The following TRPC3 variants were observed in gnomAD, a reference collection of about 807,000 sequenced individuals.
The protein encoded by TRPC3 is transient receptor potential cation channel subfamily C member 3, also known as short transient receptor potential channel 3.
A neutral mutation model predicts 90.9 loss-of-function variants in TRPC3; 54 were observed. The observed-to-expected ratio is 0.59, with a 90% CI of 0.48 to 0.75. TRPC3 has a LOEUF of 0.75. TRPC3 is among the 30% of genes least tolerant of loss of function. TRPC3 has a pLI of 0.00. For missense variants in TRPC3, 918 were observed against 1,194.5 expected (o/e 0.77, Z 3.41); for synonymous variants, 424 against 450.9 (o/e 0.94, Z 0.75).
At chr4:121,946,123 C>T (rs966948463) in intron 1 of TRPC3, among the ~76,000 whole-genome samples, 1 of 151,976 alleles carries the variant, frequency 6.6e-6, no homozygotes, top group Non-Finnish European at 1.5e-5. Context: ...CATAGAAATT[C>T]CAGAAAAAGC....
chr4:121,878,052 CTT>C lies in TRPC3; in HGVS notation c.*1682_*1683del, dbSNP rs1205107468. ...AACATCTATTATAGAAACTTTGTAT[CTT>C]TACTATCTTAACATATGGTAACATA... On this transcript the variant is annotated 3_prime_UTR_variant, in exon 12 of 12. Coordinates refer to ENST00000379645, the MANE Select transcript of TRPC3 (RefSeq NM_001130698.2). Among the ~76,000 whole-genome samples, 1 of 152,130 alleles carries C rather than the reference CTT, an allele frequency of 6.6e-6. No homozygotes were observed. Among genetic ancestry groups the C allele is most frequent in the Non-Finnish European group, 1.5e-5 (1 of 68,006 alleles).
rs1480948225 is a variant in TRPC3 at position 121,951,160 on chromosome 4, C to T, written c.215+306G>A. On this transcript the variant is annotated intron_variant, in intron 1 of 11. Transcript: ENST00000379645. This position sits in a 1 kb window ranked among gnomAD's most constrained non-coding sequence, Gnocchi z 4.4. The stretch of plus-strand genomic sequence containing the variant: ...TCCTCGGCTCTAATACAGGGAGTGG[C>T]TGCTCGCCAGGATGCTTGTCTGAAG... 1.3e-5 allele frequency among the ~76,000 whole-genome samples: 2 copies of T among 152,204 alleles called. No homozygotes were observed. The highest frequency in any genetic ancestry group is 2.9e-5 in the Non-Finnish European group (2 of 68,030).
intron 7 of TRPC3, among the ~76,000 whole-genome samples, chr4:121,906,557 A>T (rs1373326694): frequency 1.3e-5 from 2 of 152,132 alleles, no homozygotes; most frequent in East Asian, 1.9e-4. Context: ...TTGATATGCT[A>T]CTTTAGTCTA....
intron 1 of TRPC3, among the ~76,000 whole-genome samples, chr4:121,938,248 A>G (rs921014088): frequency 6.6e-6 from 1 of 152,152 alleles, no homozygotes; most frequent in Non-Finnish European, 1.5e-5. Flanking sequence ...ACTGTGGTCT[A>G]TCACCTGGTT....
chr4:121,899,671 A>C lies in TRPC3; in HGVS notation c.2488T>G (p.Ser830Ala). The change falls in exon 10 of 12, where the codon TCA becomes GCA. Residue 830 changes from serine to alanine, a missense_variant. Physicochemically the swap from Ser to Ala is moderately conservative, Grantham distance 99. This residue lies in a region of TRPC3 where 121 missense variants were observed against 135.7 expected (regional missense o/e 0.89). Coordinates refer to ENST00000379645, the MANE Select transcript of TRPC3 (RefSeq NM_001130698.2). ...AAACTGTGTGATTCAAAAACTCTTGAGTTAGACTGAGTGAAGAGGTTTAAC... is the reference window on the plus strand; with the variant it reads ...AAACTGTGTGATTCAAAAACTCTTGCGTTAGACTGAGTGAAGAGGTTTAAC... ...SRLNLFTQSNSRVFESHSFNS... is the reference protein window; with the variant it reads ...SRLNLFTQSNARVFESHSFNS... 1 of 1,613,460 alleles carries C rather than the reference A, an allele frequency of 6.2e-7. No homozygotes were observed. Among genetic ancestry groups the C allele is most frequent in the Non-Finnish European group, 8.5e-7 (1 of 1,179,606 alleles).
At chr4:121,943,975 A>G (rs2149153555) in intron 1 of TRPC3, among the ~76,000 whole-genome samples, 1 of 152,312 alleles carries the variant, frequency 6.6e-6, no homozygotes, top group South Asian at 2.1e-4. Context: ...CTAAATGCTA[A>G]ATTAAACACA....
At chr4:121,902,808 A>G (rs1728745946) in intron 9 of TRPC3, 44 bp downstream of exon 9, 1 of 1,412,454 alleles carries the variant, frequency 7.1e-7, no homozygotes, top group Non-Finnish European at 9.7e-7. Flanking sequence ...GAAAAAAAAG[A>G]CAGAACATTT....
chr4:121,921,886 C>A (rs77585072), intron 3 of TRPC3, among the ~76,000 whole-genome samples: 1 of 148,940 alleles, frequency 6.7e-6, no homozygotes, highest in Non-Finnish European at 1.5e-5. Flanking sequence ...TGACTGAAAA[C>A]GAAGGAAGCC....
chr4:121,913,647 A>AT (rs933346070), intron 4 of TRPC3, among the ~76,000 whole-genome samples: 12 of 149,878 alleles, frequency 8.0e-5, no homozygotes, highest in Admixed American at 2.7e-4. Flanking sequence ...GTAGGATATG[A>AT]TTTTTTTTAT....
In TRPC3 at chr4:121,898,713, T is replaced by A. The variant is rs549873900; in HGVS notation, c.2547+899A>T. ...ACAAAGAAATGATAGATGTCTGAGATGATGGATATGCTAATTACCCTGATC... is the reference window on the plus strand; with the variant it reads ...ACAAAGAAATGATAGATGTCTGAGAAGATGGATATGCTAATTACCCTGATC... On this transcript the variant is annotated intron_variant, in intron 10 of 11. Transcript: ENST00000379645. Among the ~76,000 whole-genome samples, 10 of 152,312 alleles carry A rather than the reference T, an allele frequency of 6.6e-5. No homozygotes were observed. The East Asian group carries it at 1.9e-3, about 29-fold the overall frequency.
chr4:121,949,651 G>A (rs1253470452), intron 1 of TRPC3, among the ~76,000 whole-genome samples: 1 of 152,178 alleles, frequency 6.6e-6, no homozygotes, highest in Non-Finnish European at 1.5e-5. Context: ...TGAAGAGCTT[G>A]CTGCCCTGCC....
chr4:121,932,972 T>C lies in TRPC3; in HGVS notation c.286A>G (p.Arg96Gly). ...TCATTGAACATGAAGGCCGGGCCCC[T>C]GACAGCCTGGCGCCGGCCCTTCTCC... ...MREKGRRQAV[R>G]GPAFMFNDRG... is the part of the protein sequence containing the mutation. The change falls in exon 2 of 12, where the codon AGG becomes GGG. Residue 96 changes from arginine to glycine, a missense_variant. Arg to Gly is a moderately radical substitution (Grantham distance 125). This residue lies in a region of TRPC3 where 609 missense variants were observed against 725.9 expected (regional missense o/e 0.84). Coordinates refer to ENST00000379645, the MANE Select transcript of TRPC3 (RefSeq NM_001130698.2). This position sits in a 1 kb window ranked among gnomAD's most constrained non-coding sequence, Gnocchi z 7.7. 1 of 1,612,032 alleles carries C rather than the reference T, an allele frequency of 6.2e-7. No individual in the cohort carries two copies. Among genetic ancestry groups the C allele is most frequent in the South Asian group, 1.1e-5 (1 of 90,854 alleles).
intron 10 of TRPC3, among the ~76,000 whole-genome samples, chr4:121,897,554 G>T (rs1728562288): frequency 6.8e-6 from 1 of 146,372 alleles, no homozygotes; most frequent in African/African-American, 2.5e-5. Flanking sequence ...CATACAAATG[G>T]TCAATGATAT....
In TRPC3 at chr4:121,879,248, A is replaced by C. The variant is rs199559096; in HGVS notation, c.*488T>G. 6.6e-6 allele frequency: 1 copy of C among 151,836 alleles called. No homozygotes were observed. Among genetic ancestry groups the C allele is most frequent in the Non-Finnish European group, 1.5e-5 (1 of 68,012 alleles). 9.4% of individuals were successfully genotyped at this position (151,836 alleles called of 1,614,324 possible). Reference sequence around the variant, plus strand: ...GTTTCTATTAAAAAAAAAAAAAAAAAACCTCTTCAGAACTTGGACAAGGGA... The same window carrying C: ...GTTTCTATTAAAAAAAAAAAAAAAACACCTCTTCAGAACTTGGACAAGGGA... On this transcript the variant is annotated 3_prime_UTR_variant, in exon 12 of 12. Coordinates refer to ENST00000379645, the MANE Select transcript of TRPC3 (RefSeq NM_001130698.2).
intron 10 of TRPC3, among the ~76,000 whole-genome samples, chr4:121,884,176 A>G (rs976422492): frequency 6.6e-6 from 1 of 152,220 alleles, no homozygotes; most frequent in Non-Finnish European, 1.5e-5. Flanking sequence ...CCAGTTGCAG[A>G]AGACCACAGA....
intron 10 of TRPC3, among the ~76,000 whole-genome samples, chr4:121,884,402 T>C (rs746572315): frequency 2.6e-5 from 4 of 152,168 alleles, no homozygotes; most frequent in Non-Finnish European, 4.4e-5. Flanking sequence ...ATGTTATCAT[T>C]GTCAGGTCGG....
chr4:121,891,011 G>A (rs1728307448), intron 10 of TRPC3, among the ~76,000 whole-genome samples: 1 of 151,928 alleles, frequency 6.6e-6, no homozygotes, highest in Admixed American at 6.6e-5. Flanking sequence ...AAAATAGAAA[G>A]GCCATAGTGT....
At chr4:121,896,293 A>C (rs1343219619) in intron 10 of TRPC3, among the ~76,000 whole-genome samples, 1 of 152,140 alleles carries the variant, frequency 6.6e-6, no homozygotes, top group Non-Finnish European at 1.5e-5. Context: ...TATTCAACAT[A>C]GTATTGGATG....
intron 3 of TRPC3, among the ~76,000 whole-genome samples, chr4:121,917,267 A>G (rs1729350904): frequency 1.3e-5 from 2 of 152,102 alleles, no homozygotes; most frequent in South Asian, 2.1e-4. Context: ...CATTATTTGA[A>G]CTCACGAATA....
Sources: gnomAD v4.1 joint callset for allele counts (sites outside exome capture counted in the v4.1 genomes callset) on GRCh38, gnomAD v4.1.1 for gene constraint, gnomAD v4.1.1 regional missense constraint, Gnocchi (gnomAD v3.1) non-coding constraint, MANE v1.5 for transcripts, NCBI Gene and HGNC (gene_info 2026-07-23, HGNC 2026-07-21) for gene names.